SP3: variants seen among roughly 807,000 people sequenced by gnomAD.
SP3 encodes transcription factor Sp3.
In SP3, 10 loss-of-function variants were observed where a neutral mutation model predicts 70.3. That is an observed-to-expected ratio of 0.14 (90% CI 0.09 to 0.24). The LOEUF (loss-of-function observed/expected upper bound fraction) is 0.24, where lower values mean the gene tolerates loss of function less well. Among genes scored for constraint, SP3 ranks in the 10% least tolerant of loss-of-function variants. The pLI, the probability that SP3 is intolerant of heterozygous loss-of-function variation, is 1.00. For missense variants in SP3, 825 were observed against 914.6 expected (o/e 0.90, Z 1.26); for synonymous variants, 402 against 333.5 (o/e 1.21, Z -2.24).
At chr2:173,929,171 C>CT (rs1457212385) in intron 4 of SP3, among the ~76,000 whole-genome samples, 1 of 152,136 alleles carries the variant, frequency 6.6e-6, no homozygotes, top group Non-Finnish European at 1.5e-5. Context: ...ACATTCTGTT[C>CT]TTTAACTTCC....
intron 2 of SP3, 45 bp from the exon 3 acceptor site, chr2:173,963,928 G>T: frequency 1.5e-6 from 2 of 1,359,246 alleles, no homozygotes; most frequent in Non-Finnish European, 1.9e-6. Context: ...GGGGGAGGGG[G>T]TGGCGGTTAG....
chr2:173,904,806 G>A lies in SP3; in HGVS notation c.*5135C>T, dbSNP rs1171261112. 6.6e-6 allele frequency among the ~76,000 whole-genome samples: 1 copy of A among 152,198 alleles called. No homozygotes were observed. Among genetic ancestry groups the A allele is most frequent in the African/African-American group, 2.4e-5 (1 of 41,442 alleles). ...AAAGGTCACTAAGCCAATACTTCCT[G>A]TATTTCGTTGTTGTCGATTAATCGG... is the stretch of plus-strand genomic sequence containing the variant. On this transcript the variant is annotated 3_prime_UTR_variant, in exon 7 of 7. Coordinates refer to ENST00000310015, the MANE Select transcript of SP3 (RefSeq NM_003111.5).
Position 173,903,340 on chromosome 2 carries a change from G to A in SP3, c.*6601C>T, listed in dbSNP as rs1479948070. Among the ~76,000 whole-genome samples the A allele has an allele frequency of 6.6e-6, 1 of 152,208 alleles. No individual in the cohort carries two copies. The highest frequency in any genetic ancestry group is 1.5e-5 in the Non-Finnish European group (1 of 68,036). ...TTAGAGAACAGGCTAAGAGTGGAAA[G>A]GTAAAGAGTGAAAGGTCACATAGGT... On this transcript the variant is annotated 3_prime_UTR_variant, in exon 7 of 7. Coordinates refer to ENST00000310015, the MANE Select transcript of SP3 (RefSeq NM_003111.5).
At chr2:173,946,295 C>T (rs1014375678) in intron 4 of SP3, among the ~76,000 whole-genome samples, 5 of 151,466 alleles carry the variant, frequency 3.3e-5, no homozygotes, top group African/African-American at 1.2e-4. Context: ...TTTTATATTT[C>T]TAAGTTACCA....
chr2:173,932,714 C>T (rs906488780), intron 4 of SP3, among the ~76,000 whole-genome samples: 1 of 151,592 alleles, frequency 6.6e-6, no homozygotes, highest in Non-Finnish European at 1.5e-5. Flanking sequence ...TAATGAAGGT[C>T]GGGCGCAGTG....
At chr2:173,962,818 T>A (rs1032863814) in intron 3 of SP3, among the ~76,000 whole-genome samples, 19 of 152,208 alleles carry the variant, frequency 1.2e-4, no homozygotes, top group Non-Finnish European at 2.5e-4. Flanking sequence ...TGAACAAATC[T>A]ACACAACAGT....
intron 4 of SP3, among the ~76,000 whole-genome samples, chr2:173,954,060 TTAG>T (rs1390716216): frequency 6.6e-6 from 1 of 152,206 alleles, no homozygotes; most frequent in East Asian, 1.9e-4. Flanking sequence ...TGAAAGAATG[TTAG>T]TAGTACAATC....
In SP3 at chr2:173,955,063, A is replaced by G; in HGVS notation, c.1449T>C (p.Ala483=). 1.2e-6 allele frequency: 2 copies of G among 1,614,222 alleles called. No homozygotes were observed. Among genetic ancestry groups the G allele is most frequent in the African/African-American group, 1.3e-5 (1 of 75,068 alleles). ...NLQNLQIQNT[A]AQQITLTPVQ... ...CAGGCGTCAAAGTTATTTGTTGGGC[A>G]GCAGTATTCTGTATTTGCAAATTCT... Residue 483 remains alanine (A), a synonymous_variant, in exon 4 of 7, where the codon GCT becomes GCC. Coordinates refer to ENST00000310015, the MANE Select transcript of SP3 (RefSeq NM_003111.5).
At chr2:173,950,335 A>G (rs1213363324) in intron 4 of SP3, among the ~76,000 whole-genome samples, 3 of 151,742 alleles carry the variant, frequency 2.0e-5, no homozygotes, top group Non-Finnish European at 2.9e-5. Context: ...AAAAAAAAGT[A>G]CTTTCTCCTT....
intron 3 of SP3, among the ~76,000 whole-genome samples, chr2:173,959,208 A>G (rs1690983385): frequency 6.6e-6 from 1 of 152,188 alleles, no homozygotes; most frequent in Non-Finnish European, 1.5e-5. Context: ...TCAGCTCCAA[A>G]TATTTCAAAA....
rs150607282 is a variant in SP3 at position 173,918,146 on chromosome 2, A to G, written c.1832+447T>C. Reference sequence around the variant, plus strand: ...CTTTAAAAAGACTGAACTGAAATACAATCCCATTTTTTAAAAAATTCAATC... The same window carrying G: ...CTTTAAAAAGACTGAACTGAAATACGATCCCATTTTTTAAAAAATTCAATC... On this transcript the variant is annotated intron_variant, in intron 5 of 6. Transcript: ENST00000310015. Among the ~76,000 whole-genome samples, 74 of 152,238 alleles carry G rather than the reference A, an allele frequency of 4.9e-4. No homozygotes were observed. In the East Asian group the frequency reaches 0.011, roughly 23 times the overall value.
At chr2:173,943,391 C>T (rs1038368251) in intron 4 of SP3, among the ~76,000 whole-genome samples, 1 of 152,184 alleles carries the variant, frequency 6.6e-6, no homozygotes, top group Non-Finnish European at 1.5e-5. Flanking sequence ...ATGTTCAGAT[C>T]TGTAGTTCAA....
rs752127864 is a variant in SP3 at position 173,954,996 on chromosome 2, A to C, written c.1516T>G (p.Phe506Val). 9 of 1,614,078 alleles carry C rather than the reference A, an allele frequency of 5.6e-6. No individual in the cohort carries two copies. The highest frequency in any genetic ancestry group is 7.6e-6 in the Non-Finnish European group (9 of 1,180,030). ...TLGQVAAGGA[F>V]TSTPVSLSTG... ...CTTAGACTAACTGGAGTTGAAGTGAAGGCTCCACCTGCCGCAACTTGACCA... is the reference window on the plus strand; with the variant it reads ...CTTAGACTAACTGGAGTTGAAGTGACGGCTCCACCTGCCGCAACTTGACCA... Residue 506 changes from phenylalanine to valine, a missense_variant, in exon 4 of 7, where the codon TTC (phenylalanine) becomes GTC (valine). Physicochemically the swap from Phe to Val is conservative, Grantham distance 50 (BLOSUM62 -1). Coordinates refer to ENST00000310015, the MANE Select transcript of SP3 (RefSeq NM_003111.5).
rs370090742 is a variant in SP3 at position 173,965,219 on chromosome 2, G to A, written c.-48C>T. On this transcript the variant is annotated 5_prime_UTR_variant, in exon 1 of 7. Coordinates refer to ENST00000310015, the MANE Select transcript of SP3 (RefSeq NM_003111.5). ...CGGGGCTCCCCGCCGCCTTACACAT[G>A]GTGAGGAGCGAAGGCGGCGGCGGCG... 542 of 1,543,304 alleles carry A rather than the reference G, an allele frequency of 3.5e-4. 1 individual carries two copies. In the African/African-American group the frequency reaches 6.1e-3, roughly 17 times the overall value.
intron 4 of SP3, among the ~76,000 whole-genome samples, chr2:173,935,277 T>C (rs1690177032): frequency 6.6e-6 from 1 of 152,070 alleles, no homozygotes; most frequent in Non-Finnish European, 1.5e-5. Flanking sequence ...TAATGATCAG[T>C]CCAGGTTAAA....
At chr2:173,910,337 A>C (rs529713266) in intron 6 of SP3, 80 bp from the exon 7 acceptor site, 5 of 1,201,326 alleles carry the variant, frequency 4.2e-6, no homozygotes, top group East Asian at 2.4e-5. Flanking sequence ...AACAGAAAGT[A>C]AGTCAACGCT....
rs1689443576 is a variant in SP3, at chr2:173,910,319, T to TC, written c.2030-63dup. 9 of 1,423,944 alleles carry TC rather than the reference T, an allele frequency of 6.3e-6. No individual in the cohort carries two copies. In the East Asian group the frequency reaches 2.1e-4, roughly 33 times the overall value. 88.2% of individuals were successfully genotyped at this position (1,423,944 alleles called of 1,614,324 possible). A position where few individuals can be genotyped will look rare whatever the true frequency, so the allele number is the denominator to read the frequency against. On this transcript the variant is annotated intron_variant, in intron 6 of 6. Transcript: ENST00000310015. ...ATTCAACTTTAATAGCTCAATCATCTCCCCCAAAACAGAAAGTAAGTCAAC... is the reference window on the plus strand; with the variant it reads ...ATTCAACTTTAATAGCTCAATCATCTCCCCCCAAAACAGAAAGTAAGTCAAC...
intron 4 of SP3, among the ~76,000 whole-genome samples, chr2:173,953,133 C>G (rs1039626589): frequency 6.6e-6 from 1 of 152,210 alleles, no homozygotes; most frequent in Non-Finnish European, 1.5e-5. Context: ...ACTGGTTCAT[C>G]GAGGTCATTC....
intron 4 of SP3, among the ~76,000 whole-genome samples, chr2:173,919,709 G>C (rs1002706823): frequency 6.6e-6 from 1 of 152,138 alleles, no homozygotes; most frequent in African/African-American, 2.4e-5. Context: ...AGACCGTACA[G>C]ACTGTTGGCA....
Sources: allele counts gnomAD v4.1 joint callset (sites outside exome capture counted in the v4.1 genomes callset), GRCh38; gene constraint gnomAD v4.1.1; transcripts MANE v1.5; gene names NCBI Gene and HGNC (gene_info 2026-07-23, HGNC 2026-07-21).